Variants in PREX1 observed in about 807,000 individuals in gnomAD.
PREX1 encodes phosphatidylinositol 3,4,5-trisphosphate-dependent Rac exchanger 1 protein.
Under a neutral mutation model 198.3 loss-of-function variants are expected in PREX1, and 41 were observed. The observed-to-expected ratio is 0.21, with a 90% CI of 0.16 to 0.27. The LOEUF (loss-of-function observed/expected upper bound fraction) is 0.27, where lower values mean the gene tolerates loss of function less well. PREX1 is among the 10% of genes least tolerant of loss of function. The pLI is 1.00. For synonymous variants in PREX1, 843 were observed against 887.2 expected (o/e 0.95, Z 0.89); for missense variants, 1,620 against 2,200.7 (o/e 0.74, Z 5.28).
In PREX1 at chr20:48,706,354, G is replaced by A. The variant is rs554012222; in HGVS notation, c.783+1906C>T. Reference sequence around the variant, plus strand: ...GAACTGCTCTGCTTCTTCCTTTTCTGACAATATTAGGTAACTTATGTATGT... The same window carrying A: ...GAACTGCTCTGCTTCTTCCTTTTCTAACAATATTAGGTAACTTATGTATGT... On this transcript the variant is annotated intron_variant, in intron 6 of 39. Coordinates refer to ENST00000371941, the MANE Select transcript of PREX1 (RefSeq NM_020820.4). 3.3e-5 allele frequency among the ~76,000 whole-genome samples: 5 copies of A among 152,290 alleles called. No homozygotes were observed. In the South Asian group the frequency reaches 1.0e-3, roughly 32 times the overall value.
intron 1 of PREX1, among the ~76,000 whole-genome samples, chr20:48,756,144 C>G (rs2090155225): frequency 6.6e-6 from 1 of 152,218 alleles, no homozygotes; most frequent in Admixed American, 6.5e-5. Context: ...GCCGACCAGC[C>G]CTCCTTCTCT....
chr20:48,832,953 C>T (rs1023930714), upstream of PREX1, among the ~76,000 whole-genome samples: 3 of 150,712 alleles, frequency 2.0e-5, no homozygotes, highest in Non-Finnish European at 4.5e-5. Flanking sequence ...ACATGCACGA[C>T]TTCTTCTCCA....
the PREX1 span, among the ~76,000 whole-genome samples, chr20:48,866,729 C>T: frequency 0.014 from 2,089 of 152,208 alleles, 28 homozygotes; most frequent in Admixed American, 0.017. Flanking sequence ...GCGCTAGAGA[C>T]CAGCCTGGGC....
chr20:48,817,580 G>A (rs969900487), intron 1 of PREX1, among the ~76,000 whole-genome samples: 4 of 149,550 alleles, frequency 2.7e-5, no homozygotes, highest in Admixed American at 6.7e-5. Flanking sequence ...CTGCTGAGGC[G>A]CAGAGATAAG....
At chr20:48,665,423 T>A (rs901781545) in intron 15 of PREX1, among the ~76,000 whole-genome samples, 12 of 149,258 alleles carry the variant, frequency 8.0e-5, no homozygotes, top group African/African-American at 3.0e-4. Context: ...TGAATTCTAA[T>A]CCTGACTCCA....
chr20:48,791,051 G>A (rs372478692), intron 1 of PREX1, among the ~76,000 whole-genome samples: 13 of 152,230 alleles, frequency 8.5e-5, no homozygotes, highest in African/African-American at 1.7e-4. Flanking sequence ...GAGAGTGTGC[G>A]CATGTGCATG....
the PREX1 span, among the ~76,000 whole-genome samples, chr20:48,873,667 C>T: frequency 1.3e-5 from 2 of 151,800 alleles, no homozygotes; most frequent in African/African-American, 2.4e-5. Flanking sequence ...TTGCAGTGAG[C>T]TGAGATTGTG....
chr20:48,628,616 T>G (rs2089290894), intron 37 of PREX1, among the ~76,000 whole-genome samples: 1 of 152,120 alleles, frequency 6.6e-6, no homozygotes. Flanking sequence ...TCCCCTAAGT[T>G]GTGACAACCA....
rs376696779 is a variant in PREX1, at chr20:48,632,433, C to T, written c.4412-42G>A. 31 of 1,613,284 alleles carry T rather than the reference C, an allele frequency of 1.9e-5. No homozygotes were observed. The African/African-American group carries it at 2.5e-4, about 13-fold the overall frequency. ...CGGGGGCGGGCAGGCGGTTGGGAGC[C>T]GGTGTGCTTGGTGGCCTTGGCCCGG... On this transcript the variant is annotated intron_variant, in intron 34 of 39. Coordinates refer to ENST00000371941, the MANE Select transcript of PREX1 (RefSeq NM_020820.4).
intron 1 of PREX1, among the ~76,000 whole-genome samples, chr20:48,779,599 AG>A (rs2090279179): frequency 6.6e-6 from 1 of 151,880 alleles, no homozygotes; most frequent in African/African-American, 2.4e-5. Flanking sequence ...ACTGGAAACA[AG>A]CAATTCAACA....
chr20:48,747,933 G>A (rs1178593075), intron 1 of PREX1, 53 bp from the exon 2 acceptor site: 2 of 1,513,682 alleles, frequency 1.3e-6, no homozygotes, highest in Non-Finnish European at 1.8e-6. Context: ...GCTCTCCCAT[G>A]GACGGCCCTA....
At chr20:48,848,926 G>A in the PREX1 span, among the ~76,000 whole-genome samples, 2 of 151,842 alleles carry the variant, frequency 1.3e-5, no homozygotes, top group African/African-American at 4.8e-5. Context: ...TAGTAGAGAC[G>A]GGGGTTTCAC....
chr20:48,700,513 G>GTTAACTAAAAT (rs1178263733), intron 7 of PREX1, among the ~76,000 whole-genome samples: 38 of 152,078 alleles, frequency 2.5e-4, no homozygotes, highest in African/African-American at 9.2e-4. Context: ...GATCTATTAG[G>GTTAACTAAAAT]TTAACTAAAA....
intron 1 of PREX1, among the ~76,000 whole-genome samples, chr20:48,806,996 C>T (rs1276883393): frequency 1.1e-4 from 16 of 152,232 alleles, no homozygotes; most frequent in East Asian, 1.9e-4. Context: ...AGTCAGAGAA[C>T]GCCTCTTCAA....
intron 3 of PREX1, 127 bp downstream of exon 3, chr20:48,744,898 A>G: frequency 7.7e-7 from 1 of 1,293,582 alleles, no homozygotes; most frequent in South Asian, 1.4e-5. Flanking sequence ...CCACCTGCCC[A>G]CCTTGCTACC....
chr20:48,708,161 A>C, intron 6 of PREX1, 99 bp downstream of exon 6: 1 of 1,317,266 alleles, frequency 7.6e-7, no homozygotes, highest in Admixed American at 2.2e-5. Context: ...AACAAAATAC[A>C]TTGCAGACTG....
intron 32 of PREX1, 32 bp downstream of exon 32, chr20:48,636,431 A>G: frequency 6.4e-7 from 1 of 1,564,750 alleles, no homozygotes; most frequent in Non-Finnish European, 8.6e-7. Flanking sequence ...TGGGTGGGCC[A>G]GCGGGGCCGC....
the PREX1 span, among the ~76,000 whole-genome samples, chr20:48,840,873 A>C: frequency 6.6e-6 from 1 of 152,032 alleles, no homozygotes; most frequent in Admixed American, 6.5e-5. Context: ...CCCAGGCTGG[A>C]GTGCAGTGGC....
intron 1 of PREX1, among the ~76,000 whole-genome samples, chr20:48,783,401 A>C (rs1319773484): frequency 6.6e-6 from 1 of 152,126 alleles, no homozygotes; most frequent in East Asian, 1.9e-4. Flanking sequence ...AACCAGTTAC[A>C]GGGGCAAGAT....
Sources: gnomAD v4.1 joint callset for allele counts (sites outside exome capture counted in the v4.1 genomes callset) on GRCh38, gnomAD v4.1.1 for gene constraint, MANE v1.5 for transcripts, NCBI Gene and HGNC (gene_info 2026-07-23, HGNC 2026-07-21) for gene names.